The following RIMS2 variants were observed in gnomAD, a reference collection of about 807,000 sequenced individuals.
The protein encoded by RIMS2 is regulating synaptic membrane exocytosis protein 2.
In RIMS2, 59 loss-of-function variants were observed where a neutral mutation model predicts 174.4. That is an observed-to-expected ratio of 0.34 (90% CI 0.27 to 0.42). The LOEUF (loss-of-function observed/expected upper bound fraction) is 0.42, where lower values mean the gene tolerates loss of function less well. Among genes scored for constraint, RIMS2 ranks in the 10% least tolerant of loss-of-function variants. The pLI is 1.00. For synonymous variants in RIMS2, 606 were observed against 572.5 expected (o/e 1.06, Z -0.84); for missense variants, 1,620 against 1,666.3 (o/e 0.97, Z 0.48).
At chr8:103,720,265 C>T (rs1269750566) in intron 2 of RIMS2, among the ~76,000 whole-genome samples, 2 of 152,168 alleles carry the variant, frequency 1.3e-5, no homozygotes, top group Non-Finnish European at 2.9e-5. Context: ...CCTGTGTATT[C>T]TTCTAGCTGC....
At chr8:103,794,717 G>T (rs1370946401) in intron 3 of RIMS2, among the ~76,000 whole-genome samples, 1 of 152,070 alleles carries the variant, frequency 6.6e-6, no homozygotes, top group Non-Finnish European at 1.5e-5. Flanking sequence ...AATCTACAAA[G>T]TACTTAAACA....
At chr8:103,576,718 A>G (rs1474866707) in intron 1 of RIMS2, among the ~76,000 whole-genome samples, 5 of 152,230 alleles carry the variant, frequency 3.3e-5, no homozygotes, top group South Asian at 2.1e-4. Context: ...TATTGGTACC[A>G]AAACAGATAT....
intron 19 of RIMS2, among the ~76,000 whole-genome samples, chr8:104,014,872 C>T (rs2095859778): frequency 6.6e-6 from 1 of 152,020 alleles, no homozygotes; most frequent in Non-Finnish European, 1.5e-5. Context: ...GTAAACAATA[C>T]TCTTAAATAA....
intron 19 of RIMS2, among the ~76,000 whole-genome samples, chr8:104,087,626 A>G (rs895146070): frequency 3.9e-5 from 6 of 152,134 alleles, no homozygotes; most frequent in African/African-American, 1.4e-4. Context: ...TTCTGACTCC[A>G]GCTATCACAA....
At chr8:103,856,185 C>CT (rs1475888353) in intron 3 of RIMS2, among the ~76,000 whole-genome samples, 2 of 151,690 alleles carry the variant, frequency 1.3e-5, no homozygotes, top group Non-Finnish European at 2.9e-5. Context: ...GATAGCAACT[C>CT]TGTTATCTGA....
At chr8:103,845,320 A>G (rs2098961985) in intron 3 of RIMS2, among the ~76,000 whole-genome samples, 1 of 152,096 alleles carries the variant, frequency 6.6e-6, no homozygotes, top group Non-Finnish European at 1.5e-5. Context: ...AGAAATGGAG[A>G]CATTATCTAT....
intron 1 of RIMS2, among the ~76,000 whole-genome samples, chr8:103,542,241 A>C (rs2131294488): frequency 6.6e-6 from 1 of 152,322 alleles, no homozygotes; most frequent in South Asian, 2.1e-4. Context: ...ATAAACTAGA[A>C]AAATACGATT....
chr8:103,783,856 A>G (rs1446357368), intron 3 of RIMS2, among the ~76,000 whole-genome samples: 1 of 151,812 alleles, frequency 6.6e-6, no homozygotes, highest in Non-Finnish European at 1.5e-5. Flanking sequence ...GACTTCCACA[A>G]TGGTTGAACT....
chr8:103,996,412 G>A (rs186765748), intron 17 of RIMS2, among the ~76,000 whole-genome samples: 1 of 152,032 alleles, frequency 6.6e-6, no homozygotes, highest in Non-Finnish European at 1.5e-5. Flanking sequence ...TGTCACTCAA[G>A]CATTATGTGG....
At position 103,695,828 on chromosome 8, in the gene RIMS2, T is replaced by C. The variant is rs1056622026; in HGVS notation, c.177-1258T>C. ...CAAGAGTAATCTTCTCTAATTCTTA[T>C]TGGGTTTCACTATACAATGTGTATT... On this transcript the variant is annotated intron_variant, in intron 1 of 23. Transcript: ENST00000504942. Among the ~76,000 whole-genome samples, 8 of 152,198 alleles carry C rather than the reference T, an allele frequency of 5.3e-5. No individual in the cohort carries two copies. The East Asian group carries it at 9.6e-4, about 18-fold the overall frequency.
At chr8:104,224,378 C>T (rs1388019057) in intron 19 of RIMS2, among the ~76,000 whole-genome samples, 6 of 152,268 alleles carry the variant, frequency 3.9e-5, no homozygotes, top group African/African-American at 1.4e-4. Flanking sequence ...GAGGAGGACT[C>T]GCTGTTTTAA....
At chr8:103,607,561 G>A (rs1262102451) in intron 1 of RIMS2, among the ~76,000 whole-genome samples, 1 of 147,656 alleles carries the variant, frequency 6.8e-6, no homozygotes, top group Non-Finnish European at 1.5e-5. Context: ...TTGCTAGATC[G>A]GGGAAATTCT....
chr8:103,839,010 A>G (rs1326453969), intron 3 of RIMS2, among the ~76,000 whole-genome samples: 1 of 152,152 alleles, frequency 6.6e-6, no homozygotes, highest in Non-Finnish European at 1.5e-5. Context: ...GCTTGCAGTG[A>G]GCCAAGATCG....
chr8:103,829,299 T>C (rs1396909789), intron 3 of RIMS2, among the ~76,000 whole-genome samples: 1 of 152,166 alleles, frequency 6.6e-6, no homozygotes, highest in African/African-American at 2.4e-5. Context: ...GTTGGGAACA[T>C]AAATTTGTTG....
chr8:103,751,410 T>G (rs1455899709), intron 2 of RIMS2, among the ~76,000 whole-genome samples: 1 of 151,752 alleles, frequency 6.6e-6, no homozygotes, highest in East Asian at 2.0e-4. Context: ...TAAACATACG[T>G]GTGCATGTGT....
At chr8:103,837,940 CTTTTTTTTTT>C (rs34876587) in intron 3 of RIMS2, among the ~76,000 whole-genome samples, 1 of 135,736 alleles carries the variant, frequency 7.4e-6, no homozygotes, top group Non-Finnish European at 1.6e-5. Flanking sequence ...CTTTCTTTCT[CTTTTTTTTTT>C]TTTTTTTCTG....
intron 1 of RIMS2, among the ~76,000 whole-genome samples, chr8:103,565,400 G>C (rs1443413422): frequency 6.6e-6 from 1 of 152,060 alleles, no homozygotes. Context: ...GACTGCCTGG[G>C]ATCAGGTGAT....
At chr8:104,102,796 G>A (rs762390833) in intron 19 of RIMS2, among the ~76,000 whole-genome samples, 52 of 152,014 alleles carry the variant, frequency 3.4e-4, no homozygotes, top group Admixed American at 4.6e-4. Context: ...GGAAAAACCC[G>A]TCCCCATGAT....
intron 3 of RIMS2, among the ~76,000 whole-genome samples, chr8:103,882,274 T>C (rs906791966): frequency 2.0e-5 from 3 of 151,538 alleles, no homozygotes; most frequent in Admixed American, 6.6e-5. Context: ...ACTGATTTTA[T>C]TTAGTTCCTG....
Sources: allele counts gnomAD v4.1 joint callset (sites outside exome capture counted in the v4.1 genomes callset), GRCh38; gene constraint gnomAD v4.1.1; transcripts MANE v1.5; gene names NCBI Gene and HGNC (gene_info 2026-07-23, HGNC 2026-07-21).